DOK6: variants seen among roughly 807,000 people sequenced by gnomAD.
The protein encoded by DOK6 is downstream of tyrosine kinase 6.
A neutral mutation model predicts 44.0 loss-of-function variants in DOK6; 22 were observed. The ratio of observed to expected loss-of-function variants is 0.50; its 90% CI spans 0.36 to 0.71. The LOEUF (loss-of-function observed/expected upper bound fraction) is 0.71, where lower values mean the gene tolerates loss of function less well. Ranked by LOEUF, DOK6 falls within the 30% of genes least tolerant of loss-of-function variation. The pLI, the probability that DOK6 is intolerant of heterozygous loss-of-function variation, is 0.00. For synonymous variants in DOK6, 166 were observed against 145.5 expected, an observed-to-expected ratio of 1.14 and a Z score of -1.01; for missense variants, 340 against 416.4, an observed-to-expected ratio of 0.82 and a Z score of 1.60.
intron 1 of DOK6, among the ~76,000 whole-genome samples, chr18:69,549,943 TAAATA>T (rs1179663191): frequency 6.6e-6 from 1 of 150,902 alleles, no homozygotes; most frequent in African/African-American, 2.4e-5. Flanking sequence ...AAAGATATAT[TAAATA>T]AGAGTACAAC....
chr18:69,770,227 T>C (rs1370254311), intron 7 of DOK6, among the ~76,000 whole-genome samples: 1 of 152,060 alleles, frequency 6.6e-6, no homozygotes, highest in East Asian at 1.9e-4. Context: ...ATTGTCCCCA[T>C]TTTACAAATA....
chr18:69,825,809 T>C (rs1403643434), intron 7 of DOK6, among the ~76,000 whole-genome samples: 2 of 152,102 alleles, frequency 1.3e-5, no homozygotes, highest in Non-Finnish European at 2.9e-5. Flanking sequence ...GGAAAAAATA[T>C]TCTCATAGTC....
rs1293670865 is a variant in DOK6 at position 69,797,802 on chromosome 18, T to C, written c.856+39929T>C. On this transcript the variant is annotated intron_variant, in intron 7 of 7. Transcript: ENST00000382713. ...ATATTGTATTCATTTCTTCTTACTA[T>C]TCATTCTTTCATCAAATATTAAGGC... is the stretch of plus-strand genomic sequence containing the variant. Among the ~76,000 whole-genome samples the C allele has an allele frequency of 2.0e-5, 3 of 152,126 alleles. No homozygotes were observed. In the East Asian group the frequency reaches 5.8e-4, roughly 29 times the overall value.
chr18:69,411,362 G>A (rs1599118102), intron 1 of DOK6, among the ~76,000 whole-genome samples: 1 of 152,164 alleles, frequency 6.6e-6, no homozygotes, highest in African/African-American at 2.4e-5. Context: ...AGCCTGGGGT[G>A]TAGAATAGAT....
At chr18:69,731,430 A>G (rs2144731538) in intron 5 of DOK6, among the ~76,000 whole-genome samples, 1 of 152,290 alleles carries the variant, frequency 6.6e-6, no homozygotes, top group East Asian at 1.9e-4. Context: ...ATATGTTGAC[A>G]AATGAATAAT....
chr18:69,478,746 G>A (rs1332424890), intron 1 of DOK6, among the ~76,000 whole-genome samples: 1 of 152,016 alleles, frequency 6.6e-6, no homozygotes, highest in Non-Finnish European at 1.5e-5. Flanking sequence ...CCATTACCAT[G>A]ATACATTTAT....
At chr18:69,630,845 G>A (rs577850170) in intron 3 of DOK6, among the ~76,000 whole-genome samples, 7 of 152,142 alleles carry the variant, frequency 4.6e-5, no homozygotes, top group African/African-American at 7.2e-5. Context: ...AACATTTTTT[G>A]TCTTACTCAG....
chr18:69,674,846 A>T (rs902782991), intron 3 of DOK6, among the ~76,000 whole-genome samples: 107 of 152,240 alleles, frequency 7.0e-4, no homozygotes, highest in African/African-American at 2.4e-3. Flanking sequence ...GAGAGCAGAA[A>T]TGGTGTGTTT....
rs762880809 is a variant in DOK6 at position 69,631,973 on chromosome 18, G to A, written c.289+32475G>A. On this transcript the variant is annotated intron_variant, in intron 3 of 7. Transcript: ENST00000382713. ...GTGACTAAATTTTGATTCATTGTAT[G>A]CCTTAAGCGTTCAAATATTCATATA... is the stretch of plus-strand genomic sequence containing the variant. Among the ~76,000 whole-genome samples, 51 of 152,094 alleles carry A rather than the reference G, an allele frequency of 3.4e-4. 1 individual carries two copies. The highest frequency in any genetic ancestry group is 6.9e-4 in the Non-Finnish European group (47 of 68,012).
chr18:69,805,627 A>G (rs1981031183), intron 7 of DOK6, among the ~76,000 whole-genome samples: 1 of 152,150 alleles, frequency 6.6e-6, no homozygotes. Context: ...GAGCCATCTC[A>G]TGAATATGTG....
chr18:69,786,290 A>C (rs1056575269), intron 7 of DOK6, among the ~76,000 whole-genome samples: 2 of 152,206 alleles, frequency 1.3e-5, no homozygotes, highest in African/African-American at 4.8e-5. Flanking sequence ...GATTTTTGAA[A>C]TATGTGTTGA....
intron 6 of DOK6, among the ~76,000 whole-genome samples, chr18:69,746,221 T>A (rs1187187006): frequency 2.6e-5 from 4 of 152,196 alleles, no homozygotes; most frequent in Non-Finnish European, 4.4e-5. Context: ...ATTTTCAGAC[T>A]TCCTGAAAGT....
In DOK6 at chr18:69,757,751, T is replaced by G; in HGVS notation, c.739-5T>G. ...AGGCCTAAAACACATTCTTTTCTCT[T>G]TTAGCTTCAGACAAGCTTGACTGAA... On this transcript the variant is annotated splice_region_variant and splice_polypyrimidine_tract_variant and intron_variant, in intron 6 of 7. Transcript: ENST00000382713. The G allele has an allele frequency of 6.2e-7, 1 of 1,613,010 alleles. No homozygotes were observed. The highest frequency in any genetic ancestry group is 8.5e-7 in the Non-Finnish European group (1 of 1,179,014).
At chr18:69,489,450 T>C (rs1244181713) in intron 1 of DOK6, among the ~76,000 whole-genome samples, 1 of 152,054 alleles carries the variant, frequency 6.6e-6, no homozygotes, top group African/African-American at 2.4e-5. Flanking sequence ...TTCAAATTAA[T>C]AGCTTGAAAT....
At chr18:69,729,063 A>T (rs559605208) in intron 5 of DOK6, among the ~76,000 whole-genome samples, 1 of 152,334 alleles carries the variant, frequency 6.6e-6, no homozygotes, top group African/African-American at 2.4e-5. Flanking sequence ...AGCTCTGTTA[A>T]TTAGGAAGCC....
chr18:69,479,285 G>A (rs1299853035), intron 1 of DOK6, among the ~76,000 whole-genome samples: 1 of 152,050 alleles, frequency 6.6e-6, no homozygotes, highest in Non-Finnish European at 1.5e-5. Flanking sequence ...TAAAAATCAA[G>A]GAAGGGTTCT....
At chr18:69,828,529 CTAAAA>C (rs755705044) in intron 7 of DOK6, among the ~76,000 whole-genome samples, 114 of 151,540 alleles carry the variant, frequency 7.5e-4, no homozygotes, top group Non-Finnish European at 1.3e-3. Context: ...GCTACATTGA[CTAAAA>C]TAAGAGACAT....
At chr18:69,425,329 C>A (rs1360786971) in intron 1 of DOK6, among the ~76,000 whole-genome samples, 1 of 151,902 alleles carries the variant, frequency 6.6e-6, no homozygotes, top group African/African-American at 2.4e-5. Flanking sequence ...CTACTTAGGA[C>A]CATTTAAAAA....
rs1400720597 is a variant in DOK6 at position 69,743,151 on chromosome 18, A to G, written c.738+4048A>G. On this transcript the variant is annotated intron_variant, in intron 6 of 7. Transcript: ENST00000382713. ...TAATTTTAAAAGAGTTTGAAGATAC[A>G]TGGGAGAATTAAGCTAGGGTAATAC... Among the ~76,000 whole-genome samples, 5 of 152,362 alleles carry G rather than the reference A, an allele frequency of 3.3e-5. No individual in the cohort carries two copies. In the East Asian group the frequency reaches 5.8e-4, roughly 18 times the overall value.
Sources: allele counts gnomAD v4.1 joint callset (sites outside exome capture counted in the v4.1 genomes callset), GRCh38; gene constraint gnomAD v4.1.1; transcripts MANE v1.5; gene names NCBI Gene and HGNC (gene_info 2026-07-23, HGNC 2026-07-21).